The following UBR4 variants were observed in gnomAD, a reference collection of about 807,000 sequenced individuals.
UBR4 encodes E3 ubiquitin-protein ligase UBR4.
UBR4 carries 124 observed loss-of-function variants against 575.6 expected under a neutral mutation model. The ratio of observed to expected loss-of-function variants is 0.22; its 90% confidence interval spans 0.19 to 0.25. The LOEUF (loss-of-function observed/expected upper bound fraction) is 0.25, where lower values mean the gene tolerates loss of function less well. Among genes scored for constraint, UBR4 ranks in the 10% least tolerant of loss-of-function variants. The probability of loss-of-function intolerance (pLI) is 1.00; values close to 1 mark genes in which losing one functional copy is unlikely to be tolerated. For synonymous variants in UBR4, 2,455 were observed against 2,473.7 expected, an observed-to-expected ratio of 0.99 and a Z score of 0.22; for missense variants, 4,818 against 6,478.8, an observed-to-expected ratio of 0.74 and a Z score of 8.80.
At chr1:19,202,270 CAG>C (rs1057151392) in intron 1 of UBR4, among the ~76,000 whole-genome samples, 3 of 152,134 alleles carry the variant, frequency 2.0e-5, no homozygotes, top group Admixed American at 1.3e-4. Context: ...AGGGAAGAAG[CAG>C]AGACTAACAA....
intron 18 of UBR4, among the ~76,000 whole-genome samples, chr1:19,178,693 C>T (rs143764767): frequency 6.6e-6 from 1 of 152,328 alleles, no homozygotes; most frequent in African/African-American, 2.4e-5. Context: ...CCAAAAAACA[C>T]TGCAAGTGCC....
At position 19,152,705 on chromosome 1, in the gene UBR4, T is replaced by G. The variant is rs2085905712; in HGVS notation, c.6833-229A>C. ...CAAGAAATCTGGCATTGGTATTGGGTGTACAGCTAATAACAATAGGCTCTC... is the reference window on the plus strand; with the variant it reads ...CAAGAAATCTGGCATTGGTATTGGGGGTACAGCTAATAACAATAGGCTCTC... On this transcript the variant is annotated intron_variant, in intron 46 of 105. Transcript: ENST00000375254. This position sits in a 1 kb window ranked among gnomAD's most constrained non-coding sequence, Gnocchi z 4.4. 6.6e-6 allele frequency among the ~76,000 whole-genome samples: 1 copy of G among 152,234 alleles called. No individual in the cohort carries two copies. Among genetic ancestry groups the G allele is most frequent in the Admixed American group, 6.5e-5 (1 of 15,284 alleles).
intron 14 of UBR4, among the ~76,000 whole-genome samples, chr1:19,185,825 C>A (rs1475520829): frequency 6.6e-6 from 1 of 152,112 alleles, no homozygotes; most frequent in South Asian, 2.1e-4. Flanking sequence ...CCACCTCAGC[C>A]TCCCAAAGTG....
rs2084622457 is a variant in UBR4 at position 19,144,844 on chromosome 1, C to T, written c.8009G>A (p.Cys2670Tyr). The T allele has an allele frequency of 6.2e-7, 1 of 1,614,008 alleles. No homozygotes were observed. The highest frequency in any genetic ancestry group is 8.5e-7 in the Non-Finnish European group (1 of 1,180,020). The change falls in exon 54 of 106, where the codon TGT becomes TAT. Residue 2670 changes from cysteine (C) to tyrosine (Y), a missense_variant. Cys to Tyr is a radical substitution (Grantham distance 194). Coordinates refer to ENST00000375254, the MANE Select transcript of UBR4 (RefSeq NM_020765.3). ...LVDIIHGYCT[C>Y]ELDCINTASK... The stretch of plus-strand genomic sequence containing the variant: ...TGCTGTGTTAATACAATCCAGCTCA[C>T]AGGTACAGTAGCCATGGATGATGTC...
At chr1:19,156,744 C>A in intron 41 of UBR4, 23 bp downstream of exon 41, 1 of 1,608,110 alleles carries the variant, frequency 6.2e-7, no homozygotes, top group Non-Finnish European at 8.5e-7. Context: ...TCAAGGCAAT[C>A]AAACCTAGAT....
At chr1:19,180,409 G>A (rs1431087764) in intron 17 of UBR4, among the ~76,000 whole-genome samples, 2 of 151,626 alleles carry the variant, frequency 1.3e-5, no homozygotes, top group African/African-American at 4.8e-5. Flanking sequence ...GGCTGGTCTC[G>A]AACTTCTGGC....
rs373615451 is a variant in UBR4, at chr1:19,169,540, C to T, written c.3644-8G>A. On this transcript the variant is annotated splice_region_variant and splice_polypyrimidine_tract_variant and intron_variant, in intron 26 of 105. Coordinates refer to ENST00000375254, the MANE Select transcript of UBR4 (RefSeq NM_020765.3). ...TCTGAACCAGTGTCGGACCTGGAGG[C>T]GACAGAAAGGACAAGGAATCATCAC... 1.1e-4 allele frequency: 182 copies of T among 1,610,394 alleles called. 1 individual carries two copies. The African/African-American group carries it at 2.1e-3, about 19-fold the overall frequency.
intron 29 of UBR4, among the ~76,000 whole-genome samples, chr1:19,166,118 G>A (rs1193418139): frequency 6.6e-6 from 1 of 152,214 alleles, no homozygotes; most frequent in Non-Finnish European, 1.5e-5. Context: ...AAAAAGAAAA[G>A]AGGAGACAGG....
Position 19,179,280 on chromosome 1 carries a change from T to TTAC in UBR4, c.2185-63_2185-61dup, listed in dbSNP as rs2090618047. On this transcript the variant is annotated intron_variant, in intron 17 of 105. Coordinates refer to ENST00000375254, the MANE Select transcript of UBR4 (RefSeq NM_020765.3). ...ACAGATACGGGATAAAGTCAAAAGG[T>TTAC]TACTCATGTTCTCAAACGTTTGTTT... The TTAC allele has an allele frequency of 3.5e-6, 5 of 1,445,114 alleles. No homozygotes were observed. In the Admixed American group the frequency reaches 8.3e-5, roughly 24 times the overall value. The allele number at this position is 1,445,114 out of a possible 1,614,324, so 89.5% of individuals were successfully genotyped here.
chr1:19,146,024 TGGG>T (rs1245672972), intron 52 of UBR4, 91 bp from the exon 53 acceptor site: 1 of 1,601,746 alleles, frequency 6.2e-7, no homozygotes, highest in South Asian at 1.1e-5. Flanking sequence ...GAAGCTTGCC[TGGG>T]GAGGGAGTTT....
In UBR4 at chr1:19,105,086, G is replaced by A. The variant is rs750472517; in HGVS notation, c.12607C>T (p.Arg4203Trp). 8.7e-6 allele frequency: 14 copies of A among 1,613,926 alleles called. No homozygotes were observed. Among genetic ancestry groups the A allele is most frequent in the South Asian group, 3.3e-5 (3 of 91,072 alleles). ...TTGCCCACATAGGGTAGGACTCCCC[G>A]AGCTGCCAAGTAGACTTTCCAGTGC... ...SAHWKVYLAA[R>W]GVLPYVGNLI... Residue 4203 changes from arginine (R) to tryptophan (W), a missense_variant, in exon 85 of 106, where the codon CGG becomes TGG. Arg to Trp is a moderately radical substitution (Grantham distance 101). Around this residue, in one of 29 missense-constraint regions of UBR4, gnomAD observed 178 missense variants for 175.5 expected, o/e 1.01. Transcript: ENST00000375254.
Position 19,198,597 on chromosome 1 carries a change from T to C in UBR4, c.592A>G (p.Thr198Ala). The C allele has an allele frequency of 6.2e-7, 1 of 1,614,180 alleles. No individual in the cohort carries two copies. Among genetic ancestry groups the C allele is most frequent in the Non-Finnish European group, 8.5e-7 (1 of 1,180,032 alleles). Residue 198 changes from threonine (T) to alanine (A), a missense_variant, in exon 5 of 106, where the codon ACC becomes GCC. Thr to Ala is a moderately conservative substitution (Grantham distance 58). Transcript: ENST00000375254. ...ACAGTTCTAGGGTTAAAAACTGAGG[T>C]CAGCTGGTTCAAAAAATTCATCTGT... ...EVQMNFLNQLTSVFNPRTVAS... is the reference protein window; with the variant it reads ...EVQMNFLNQLASVFNPRTVAS...
intron 13 of UBR4, 94 bp downstream of exon 13, chr1:19,187,070 A>G (rs2091599537): frequency 5.5e-6 from 5 of 903,814 alleles, no homozygotes; most frequent in Non-Finnish European, 6.7e-6. Context: ...TCATTTCAAG[A>G]AAGTTTTATA....
Position 19,153,826 on chromosome 1 carries a change from A to C in UBR4, c.6572T>G (p.Met2191Arg). Residue 2191 changes from methionine (M) to arginine (R), a missense_variant, in exon 45 of 106, where the codon ATG (methionine) becomes AGG (arginine). This residue lies in a region of UBR4 where 461 missense variants were observed against 606.9 expected (regional missense o/e 0.76). Coordinates refer to ENST00000375254, the MANE Select transcript of UBR4 (RefSeq NM_020765.3). The surrounding 1 kb of genome is among the most constrained non-coding windows in gnomAD (Gnocchi z 4.1). Reference sequence around the variant, plus strand: ...GATAAGAAAAGTGTCTGGTTTCACCATAACTACCAGCGGCACCCCTGTAGT... The same window carrying C: ...GATAAGAAAAGTGTCTGGTTTCACCCTAACTACCAGCGGCACCCCTGTAGT... ...QQTTGVPLVV[M>R]VKPDTFLIQE... 1 of 1,614,224 alleles carries C rather than the reference A, an allele frequency of 6.2e-7. No individual in the cohort carries two copies. The highest frequency in any genetic ancestry group is 8.5e-7 in the Non-Finnish European group (1 of 1,180,028).
chr1:19,146,101 AAC>A, intron 52 of UBR4, 168 bp from the exon 53 acceptor site: 2 of 1,550,210 alleles, frequency 1.3e-6, no homozygotes, highest in Non-Finnish European at 1.7e-6. Context: ...CTAGGAAAAA[AAC>A]AGTCTGGGAA....
At chr1:19,160,777 A>G in intron 38 of UBR4, 140 bp downstream of exon 38, 2 of 797,802 alleles carry the variant, frequency 2.5e-6, no homozygotes, top group Non-Finnish European at 4.1e-6. Context: ...ACGACAATAC[A>G]TAGTATTTGC....
At chr1:19,099,807 C>A (rs1449733405) in intron 89 of UBR4, 130 bp from the exon 90 acceptor site, 2 of 716,566 alleles carry the variant, frequency 2.8e-6, no homozygotes, top group East Asian at 5.6e-5. Flanking sequence ...TATCAACTCT[C>A]CCACTCTTAA....
intron 90 of UBR4, among the ~76,000 whole-genome samples, chr1:19,097,894 C>T (rs1308574607): frequency 6.6e-6 from 1 of 152,136 alleles, no homozygotes; most frequent in Non-Finnish European, 1.5e-5. Context: ...TAAGCTAAAC[C>T]CACAATCTGA....
intron 83 of UBR4, among the ~76,000 whole-genome samples, chr1:19,106,135 A>G (rs1167499956): frequency 3.3e-5 from 5 of 152,234 alleles, no homozygotes; most frequent in Non-Finnish European, 7.3e-5. Flanking sequence ...AAAGATGCTG[A>G]TCATTCTTTT....
Sources: gnomAD v4.1 joint callset for allele counts (sites outside exome capture counted in the v4.1 genomes callset) on GRCh38, gnomAD v4.1.1 for gene constraint, gnomAD v4.1.1 regional missense constraint, Gnocchi (gnomAD v3.1) non-coding constraint, MANE v1.5 for transcripts, NCBI Gene and HGNC (gene_info 2026-07-23, HGNC 2026-07-21) for gene names.